MECOM: variants seen among roughly 807,000 people sequenced by gnomAD.
The protein encoded by MECOM is histone-lysine N-methyltransferase MECOM.
In MECOM, 13 loss-of-function variants were observed where a neutral mutation model predicts 116.3. That is an observed-to-expected ratio of 0.11 (90% CI 0.07 to 0.18). The LOEUF (loss-of-function observed/expected upper bound fraction) is 0.18, where lower values mean the gene tolerates loss of function less well. MECOM is among the 10% of genes least tolerant of loss of function. The pLI, the probability that MECOM is intolerant of heterozygous loss-of-function variation, is 1.00. For synonymous variants in MECOM, 528 were observed against 535.2 expected (o/e 0.99, Z 0.19); for missense variants, 1,299 against 1,509.0 (o/e 0.86, Z 2.31).
At chr3:169,474,763 GC>G (rs1750086384) in intron 1 of MECOM, among the ~76,000 whole-genome samples, 1 of 151,976 alleles carries the variant, frequency 6.6e-6, no homozygotes, top group South Asian at 2.1e-4. Context: ...ATTAATATTT[GC>G]CCCCAGAATG....
intron 1 of MECOM, among the ~76,000 whole-genome samples, chr3:169,649,271 G>A (rs1029908107): frequency 6.6e-6 from 1 of 151,902 alleles, no homozygotes; most frequent in Non-Finnish European, 1.5e-5. Flanking sequence ...ACCAGCCTGG[G>A]CACCATGGTG....
intron 2 of MECOM, among the ~76,000 whole-genome samples, chr3:169,247,671 T>C (rs1032938114): frequency 1.3e-5 from 2 of 152,252 alleles, no homozygotes; most frequent in Non-Finnish European, 2.9e-5. Flanking sequence ...TTCAAGTTTC[T>C]TGAAACAATT....
At chr3:169,289,405 A>G (rs6794473) in intron 2 of MECOM, among the ~76,000 whole-genome samples, 4,557 of 152,292 alleles carry the variant, frequency 0.03, 234 homozygotes, top group East Asian at 0.18. Context: ...TGGGATGGTT[A>G]CTTATTTTTA....
At chr3:169,610,581 T>G (rs1006792165) in intron 1 of MECOM, among the ~76,000 whole-genome samples, 7 of 151,982 alleles carry the variant, frequency 4.6e-5, no homozygotes, top group African/African-American at 1.7e-4. Context: ...GTCAAACAAT[T>G]TTCCCAAACT....
chr3:169,147,525 C>T (rs1277396122), intron 2 of MECOM: 2 of 985,348 alleles, frequency 2.0e-6, no homozygotes, highest in South Asian at 4.7e-5. Flanking sequence ...CAGCAGCCTC[C>T]TCTGGCGGGA....
intron 2 of MECOM, among the ~76,000 whole-genome samples, chr3:169,283,935 G>T (rs1712718066): frequency 6.6e-6 from 1 of 152,158 alleles, no homozygotes; most frequent in South Asian, 2.1e-4. Context: ...ATCAATAATA[G>T]ATTTATCTGT....
At position 169,089,024 on chromosome 3, in the gene MECOM, C is replaced by A; in HGVS notation, c.3561G>T (p.Pro1187=). 1 of 1,600,684 alleles carries A rather than the reference C, an allele frequency of 6.2e-7. No homozygotes were observed. The highest frequency in any genetic ancestry group is 1.1e-5 in the South Asian group (1 of 88,612). The change falls in exon 16 of 17, where the codon CCG becomes CCT. Residue 1187 remains proline (P), a synonymous_variant. Coordinates refer to ENST00000651503, the MANE Select transcript of MECOM (RefSeq NM_004991.4). ...CCTGCGATTTGGACTTTCTGTGTAA[C>A]GGCTGCTTAAGTTCCTCTGGCACAT... ...TSHVPEELKQ[P]LHRKSKSQAY...
chr3:169,249,871 C>T (rs1457329278), intron 2 of MECOM, among the ~76,000 whole-genome samples: 4 of 152,210 alleles, frequency 2.6e-5, no homozygotes, highest in Non-Finnish European at 5.9e-5. Flanking sequence ...ATTTCACACT[C>T]TCCTCTGCTA....
intron 2 of MECOM, among the ~76,000 whole-genome samples, chr3:169,295,281 A>C (rs534620062): frequency 1.3e-5 from 2 of 152,290 alleles, no homozygotes; most frequent in African/African-American, 4.8e-5. Flanking sequence ...AAAGGGTTAA[A>C]AAAAGTTAAA....
intron 2 of MECOM, among the ~76,000 whole-genome samples, chr3:169,220,054 C>T (rs970948164): frequency 1.3e-5 from 2 of 151,484 alleles, no homozygotes; most frequent in African/African-American, 4.8e-5. Flanking sequence ...AGACTGGGCA[C>T]GGTGGCTCAT....
chr3:169,510,897 T>C (rs1295590863), intron 1 of MECOM, among the ~76,000 whole-genome samples: 1 of 152,166 alleles, frequency 6.6e-6, no homozygotes, highest in Non-Finnish European at 1.5e-5. Flanking sequence ...AAGGTGTTGG[T>C]AAAAACCTCT....
At chr3:169,414,728 C>T (rs1029306376) in intron 1 of MECOM, among the ~76,000 whole-genome samples, 2 of 151,978 alleles carry the variant, frequency 1.3e-5, no homozygotes, top group African/African-American at 2.4e-5. Context: ...ACGAGAACTT[C>T]GTGAAGCATA....
At chr3:169,334,466 A>G (rs939130979) in intron 2 of MECOM, among the ~76,000 whole-genome samples, 3 of 152,174 alleles carry the variant, frequency 2.0e-5, no homozygotes, top group Admixed American at 2.0e-4. Flanking sequence ...CATAGATTTT[A>G]ATTTGATTGT....
intron 1 of MECOM, among the ~76,000 whole-genome samples, chr3:169,605,828 T>C (rs1768463702): frequency 6.6e-6 from 1 of 152,202 alleles, no homozygotes; most frequent in Non-Finnish European, 1.5e-5. Context: ...TATCATGTGG[T>C]AAGTAATCAT....
intron 1 of MECOM, among the ~76,000 whole-genome samples, chr3:169,618,158 C>T (rs1316738232): frequency 2.6e-5 from 4 of 152,154 alleles, no homozygotes; most frequent in African/African-American, 4.8e-5. Context: ...TATAGTTAAT[C>T]CCATTTTAGA....
Position 169,107,967 on chromosome 3 carries a change from G to C in MECOM, c.2578-15C>G, listed in dbSNP as rs779233401. 1.9e-6 allele frequency: 3 copies of C among 1,611,240 alleles called. No individual in the cohort carries two copies. In the South Asian group the frequency reaches 3.3e-5, roughly 18 times the overall value. ...GGCAGTTGGAACTGGGAGCAAAATT[G>C]AAACAAAAACAAAAAATTACTTCTG... On this transcript the variant is annotated splice_polypyrimidine_tract_variant and intron_variant, in intron 9 of 16. Transcript: ENST00000651503.
At chr3:169,110,458 C>G (rs1726977510) in intron 9 of MECOM, among the ~76,000 whole-genome samples, 2 of 152,122 alleles carry the variant, frequency 1.3e-5, no homozygotes, top group African/African-American at 2.4e-5. Context: ...AGGAAGAGGG[C>G]TCACCTGTAT....
intron 1 of MECOM, among the ~76,000 whole-genome samples, chr3:169,432,371 TG>T (rs1741788181): frequency 6.6e-6 from 1 of 152,176 alleles, no homozygotes; most frequent in Non-Finnish European, 1.5e-5. Flanking sequence ...TTGGCCAGGC[TG>T]GTCTCGAACT....
chr3:169,536,151 G>T (rs1231422229), intron 1 of MECOM, among the ~76,000 whole-genome samples: 1 of 152,042 alleles, frequency 6.6e-6, no homozygotes, highest in Non-Finnish European at 1.5e-5. Context: ...CTCTTTCTGG[G>T]ATTTCCTGAG....
Sources: allele counts gnomAD v4.1 joint callset (sites outside exome capture counted in the v4.1 genomes callset), GRCh38; gene constraint gnomAD v4.1.1; transcripts MANE v1.5; gene names NCBI Gene and HGNC (gene_info 2026-07-23, HGNC 2026-07-21).